SPIRE1: variants seen among roughly 807,000 people sequenced by gnomAD.
SPIRE1 encodes protein spire homolog 1.
In SPIRE1, 40 loss-of-function variants were observed where a neutral mutation model predicts 94.1. That is an observed-to-expected ratio of 0.43 (90% CI 0.33 to 0.55). SPIRE1 has a LOEUF of 0.55. Among genes scored for constraint, SPIRE1 ranks in the 20% least tolerant of loss-of-function variants. SPIRE1 has a pLI of 0.06. For missense variants in SPIRE1, 838 were observed against 975.2 expected (o/e 0.86, Z 1.87); for synonymous variants, 376 against 371.7 (o/e 1.01, Z -0.13).
intron 1 of SPIRE1, among the ~76,000 whole-genome samples, chr18:12,654,894 G>A (rs1003340528): frequency 6.6e-6 from 1 of 151,880 alleles, no homozygotes; most frequent in African/African-American, 2.4e-5. Context: ...TGGGCGTGGT[G>A]GCATGCGCCT....
chr18:12,502,278 CA>C (rs1349055337), intron 6 of SPIRE1, among the ~76,000 whole-genome samples: 9 of 151,960 alleles, frequency 5.9e-5, no homozygotes, highest in African/African-American at 2.2e-4. Context: ...AAACAAAAAA[CA>C]AAAAAGATTT....
At chr18:12,528,804 A>G (rs1359463136) in intron 4 of SPIRE1, among the ~76,000 whole-genome samples, 1 of 152,236 alleles carries the variant, frequency 6.6e-6, no homozygotes, top group African/African-American at 2.4e-5. Flanking sequence ...AGATAACTGA[A>G]GAGCATCAGG....
intron 1 of SPIRE1, among the ~76,000 whole-genome samples, chr18:12,655,251 AGAG>A (rs2038507242): frequency 6.9e-6 from 1 of 144,588 alleles, no homozygotes. Context: ...GAAAAGAAAA[AGAG>A]AGAGAGAGAG....
chr18:12,523,621 A>C (rs1046104451), intron 4 of SPIRE1, among the ~76,000 whole-genome samples: 3 of 152,224 alleles, frequency 2.0e-5, no homozygotes, highest in African/African-American at 4.8e-5. Context: ...TCACCAGCAA[A>C]AAGATTACAA....
In SPIRE1 at chr18:12,585,923, A is replaced by T. The variant is rs527808406; in HGVS notation, c.373-39019T>A. Among the ~76,000 whole-genome samples the T allele has an allele frequency of 2.0e-5, 3 of 152,264 alleles. No homozygotes were observed. In the East Asian group the frequency reaches 5.8e-4, roughly 29 times the overall value. ...TATTGTGTGAATTTGTTTCTATATTACTTTCATTTGTTATATATGTATGCA... is the reference window on the plus strand; with the variant it reads ...TATTGTGTGAATTTGTTTCTATATTTCTTTCATTTGTTATATATGTATGCA... On this transcript the variant is annotated intron_variant, in intron 2 of 16. Transcript: ENST00000409402.
At chr18:12,549,439 G>GTTGTTT (rs2035276295) in intron 2 of SPIRE1, among the ~76,000 whole-genome samples, 1 of 41,248 alleles carries the variant, frequency 2.4e-5, no homozygotes, top group Non-Finnish European at 3.9e-5. Flanking sequence ...TGTTATTGTT[G>GTTGTTT]TTTTTTTTTT....
chr18:12,600,779 G>C (rs987639848), intron 2 of SPIRE1, among the ~76,000 whole-genome samples: 6 of 151,928 alleles, frequency 3.9e-5, no homozygotes, highest in Admixed American at 3.9e-4. Flanking sequence ...GTGGAGTGCA[G>C]TGGCGCCGTT....
chr18:12,574,700 G>A (rs2144494304), intron 2 of SPIRE1, among the ~76,000 whole-genome samples: 1 of 152,304 alleles, frequency 6.6e-6, no homozygotes, highest in East Asian at 1.9e-4. Context: ...GAGTGTATGA[G>A]ACAGCCTAAG....
intron 2 of SPIRE1, among the ~76,000 whole-genome samples, chr18:12,549,289 T>C (rs1260937427): frequency 1.3e-5 from 2 of 152,112 alleles, no homozygotes; most frequent in South Asian, 2.1e-4. Flanking sequence ...ATTCAGTATA[T>C]ATATTTTTAA....
chr18:12,627,337 T>C (rs1282664255), intron 2 of SPIRE1, among the ~76,000 whole-genome samples: 1 of 152,146 alleles, frequency 6.6e-6, no homozygotes, highest in Non-Finnish European at 1.5e-5. Context: ...TTGCAATAGT[T>C]TGCTCAAAAT....
chr18:12,451,091 A>C (rs1430163999), intron 16 of SPIRE1: 6 of 397,074 alleles, frequency 1.5e-5, no homozygotes, highest in Non-Finnish European at 1.8e-5. Context: ...AAAAGAAATA[A>C]TACTAAAAAC....
At position 12,634,242 on chromosome 18, in the gene SPIRE1, C is replaced by T. The variant is rs558984734; in HGVS notation, c.372+820G>A. On this transcript the variant is annotated intron_variant, in intron 2 of 16. Coordinates refer to ENST00000409402, the MANE Select transcript of SPIRE1 (RefSeq NM_001128626.2). Reference sequence around the variant, plus strand: ...CAGCCTGGGCGACAGAGCGAGACTCCGTCTAAAAATAAAAATAAAAAAAAA... The same window carrying T: ...CAGCCTGGGCGACAGAGCGAGACTCTGTCTAAAAATAAAAATAAAAAAAAA... Among the ~76,000 whole-genome samples, 4 of 130,578 alleles carry T rather than the reference C, an allele frequency of 3.1e-5. No individual in the cohort carries two copies. The South Asian group carries it at 8.6e-4, about 28-fold the overall frequency. The allele number at this position is 130,578 out of a possible 152,430, so 85.7% of individuals were successfully genotyped here. A position where few individuals can be genotyped will look rare whatever the true frequency, so the allele number is the denominator to read the frequency against.
chr18:12,535,993 A>T (rs1460285896), intron 3 of SPIRE1, among the ~76,000 whole-genome samples: 1 of 151,986 alleles, frequency 6.6e-6, no homozygotes, highest in Non-Finnish European at 1.5e-5. Context: ...ACACACCCCC[A>T]TATCTGTATT....
At chr18:12,634,529 A>G (rs2037869575) in intron 2 of SPIRE1, among the ~76,000 whole-genome samples, 1 of 152,134 alleles carries the variant, frequency 6.6e-6, no homozygotes, top group African/African-American at 2.4e-5. Flanking sequence ...TTAAAATGAT[A>G]ATTAAGCTAT....
intron 6 of SPIRE1, among the ~76,000 whole-genome samples, chr18:12,502,749 G>T (rs1355677259): frequency 1.3e-5 from 2 of 152,036 alleles, no homozygotes; most frequent in Non-Finnish European, 2.9e-5. Flanking sequence ...ATGAAAACTG[G>T]AAACCATCAA....
intron 10 of SPIRE1, among the ~76,000 whole-genome samples, chr18:12,469,479 A>C (rs1293013077): frequency 1.3e-5 from 2 of 150,704 alleles, no homozygotes; most frequent in Non-Finnish European, 2.9e-5. Context: ...TACAGATGTA[A>C]GCCACTACGC....
chr18:12,629,524 T>C lies in SPIRE1; in HGVS notation c.372+5538A>G, dbSNP rs566742131. On this transcript the variant is annotated intron_variant, in intron 2 of 16. Coordinates refer to ENST00000409402, the MANE Select transcript of SPIRE1 (RefSeq NM_001128626.2). ...AGTAGTCTGAGCTGTGAGCCACTACTAGGAAGGGAGAAATATGGGTCACAC... is the reference window on the plus strand; with the variant it reads ...AGTAGTCTGAGCTGTGAGCCACTACCAGGAAGGGAGAAATATGGGTCACAC... Among the ~76,000 whole-genome samples, 377 of 152,242 alleles carry C rather than the reference T, an allele frequency of 2.5e-3. 3 individuals are homozygous for C. The highest frequency in any genetic ancestry group is 8.8e-3 in the African/African-American group (364 of 41,566).
chr18:12,462,369 C>G (rs796862968), intron 12 of SPIRE1, among the ~76,000 whole-genome samples: 12 of 152,302 alleles, frequency 7.9e-5, no homozygotes, highest in African/African-American at 2.9e-4. Flanking sequence ...TTTGAAAACA[C>G]ATTAGATATT....
intron 3 of SPIRE1, among the ~76,000 whole-genome samples, chr18:12,543,753 T>A (rs1380264952): frequency 1.3e-5 from 2 of 152,228 alleles, no homozygotes; most frequent in South Asian, 4.1e-4. Flanking sequence ...TTCTTAAACA[T>A]CCTATTATTT....
Sources: gnomAD v4.1 joint callset for allele counts (sites outside exome capture counted in the v4.1 genomes callset) on GRCh38, gnomAD v4.1.1 for gene constraint, MANE v1.5 for transcripts, NCBI Gene and HGNC (gene_info 2026-07-23, HGNC 2026-07-21) for gene names.